UPF2: variants seen among roughly 807,000 people sequenced by gnomAD.
UPF2 encodes the protein regulator of nonsense transcripts 2.
Under a neutral mutation model 141.4 loss-of-function variants are expected in UPF2, and 17 were observed. The ratio of observed to expected loss-of-function variants is 0.12; its 90% CI spans 0.08 to 0.18. The LOEUF is 0.18. UPF2 is among the 10% of genes least tolerant of loss of function. The probability of loss-of-function intolerance (pLI) is 1.00; values close to 1 mark genes in which losing one functional copy is unlikely to be tolerated. For missense variants in UPF2, 1,152 were observed against 1,515.9 expected (o/e 0.76, Z 3.99); for synonymous variants, 540 against 498.0 (o/e 1.08, Z -1.12).
chr10:11,939,098 C>T lies in UPF2; in HGVS notation c.3379-2386G>A, dbSNP rs897105745. ...TGTTAGCTAGGAGGGTCTCGATCTC[C>T]TGACCTCGTGATCCTCCCACCTCGG... On this transcript the variant is annotated intron_variant, in intron 18 of 21. Transcript: ENST00000357604. This position sits in a 1 kb window ranked among gnomAD's most constrained non-coding sequence, Gnocchi z 4.8. 3.3e-5 allele frequency among the ~76,000 whole-genome samples: 5 copies of T among 151,998 alleles called. No individual in the cohort carries two copies. The highest frequency in any genetic ancestry group is 1.2e-4 in the African/African-American group (5 of 41,358).
At chr10:11,933,497 T>C (rs1588524644) in intron 19 of UPF2, among the ~76,000 whole-genome samples, 1 of 151,442 alleles carries the variant, frequency 6.6e-6, no homozygotes, top group African/African-American at 2.5e-5. Flanking sequence ...AAAATTAAAA[T>C]TTAAACTAAA....
At chr10:12,028,485 C>T (rs1834458807) in intron 3 of UPF2, among the ~76,000 whole-genome samples, 1 of 152,120 alleles carries the variant, frequency 6.6e-6, no homozygotes, top group Admixed American at 6.6e-5. Context: ...TTTAAAATCA[C>T]AGGAAGAATA....
intron 8 of UPF2, among the ~76,000 whole-genome samples, chr10:11,983,594 G>T (rs1210527642): frequency 6.6e-6 from 1 of 152,078 alleles, no homozygotes; most frequent in Non-Finnish European, 1.5e-5. Flanking sequence ...GGATGGTTTC[G>T]ATCTCCTGAA....
In UPF2 at chr10:11,921,151, C is replaced by T. The variant is rs923206069; in HGVS notation, c.*147G>A. On this transcript the variant is annotated 3_prime_UTR_variant, in exon 22 of 22. Coordinates refer to ENST00000357604, the MANE Select transcript of UPF2 (RefSeq NM_015542.4). This position sits in a 1 kb window ranked among gnomAD's most constrained non-coding sequence, Gnocchi z 5.9. ...TTGGCAGAGGCTGGTGTTTCTGCCT[C>T]CTGGCCCCAGCCTGTCCCAGGTTTA... The T allele has an allele frequency of 3.0e-5, 34 of 1,143,858 alleles. No homozygotes were observed. Among genetic ancestry groups the T allele is most frequent in the Admixed American group, 1.7e-5 (1 of 59,294 alleles). The allele number at this position is 1,143,858 out of a possible 1,614,324, so 70.9% of individuals were successfully genotyped here.
In UPF2 at chr10:11,948,525, G is replaced by T. The variant is rs1434210347; in HGVS notation, c.3035-17C>A. 2.5e-6 allele frequency: 4 copies of T among 1,607,604 alleles called. No homozygotes were observed. The highest frequency in any genetic ancestry group is 3.4e-6 in the Non-Finnish European group (4 of 1,178,596). On this transcript the variant is annotated splice_polypyrimidine_tract_variant and intron_variant, in intron 15 of 21. Coordinates refer to ENST00000357604, the MANE Select transcript of UPF2 (RefSeq NM_015542.4). ...TTACTAGGCCTTGAAATGAGAAGGTGGAAATGGAAAAATACATTAAAAATA... is the reference window on the plus strand; with the variant it reads ...TTACTAGGCCTTGAAATGAGAAGGTTGAAATGGAAAAATACATTAAAAATA...
intron 8 of UPF2, among the ~76,000 whole-genome samples, 191 bp downstream of exon 8, chr10:11,997,481 T>A (rs1833883108): frequency 6.6e-6 from 1 of 152,192 alleles, no homozygotes; most frequent in Non-Finnish European, 1.5e-5. Context: ...AGAAGAAATA[T>A]TCCCATTAGA....
intron 18 of UPF2, 104 bp downstream of exon 18, chr10:11,942,560 GC>G: frequency 1.0e-6 from 1 of 972,980 alleles, no homozygotes; most frequent in Non-Finnish European, 1.5e-6. Context: ...AAAAGCTGCT[GC>G]AGAAGAGACA....
intron 3 of UPF2, among the ~76,000 whole-genome samples, chr10:12,022,622 T>C (rs1834338444): frequency 6.6e-6 from 1 of 152,108 alleles, no homozygotes; most frequent in Non-Finnish European, 1.5e-5. Flanking sequence ...ACATTACAGC[T>C]ATAACACTAA....
At chr10:11,961,645 G>T (rs567984337) in intron 11 of UPF2, among the ~76,000 whole-genome samples, 2 of 152,066 alleles carry the variant, frequency 1.3e-5, no homozygotes, top group Non-Finnish European at 2.9e-5. Context: ...TGGATTTCAA[G>T]TTGTGTGTGT....
At chr10:11,961,533 G>A (rs1320456390) in intron 11 of UPF2, among the ~76,000 whole-genome samples, 1 of 150,226 alleles carries the variant, frequency 6.7e-6, no homozygotes, top group East Asian at 1.9e-4. Flanking sequence ...CCGGGTAATA[G>A]AGAGCACTGC....
At chr10:11,948,336 G>T in intron 16 of UPF2, 33 bp downstream of exon 16, 1 of 1,492,160 alleles carries the variant, frequency 6.7e-7, no homozygotes, top group Non-Finnish European at 9.0e-7. Context: ...TTATACAAAT[G>T]TACTCTATGT....
At chr10:11,963,318 C>T (rs1833269206) in intron 11 of UPF2, among the ~76,000 whole-genome samples, 1 of 148,448 alleles carries the variant, frequency 6.7e-6, no homozygotes, top group Non-Finnish European at 1.5e-5. Flanking sequence ...TCCTATCTAG[C>T]TGTGTGAGTA....
chr10:11,940,156 G>A lies in UPF2; in HGVS notation c.3378+2509C>T, dbSNP rs1258481287. Reference sequence around the variant, plus strand: ...TAATATAGAATTAAGTTTTTCTCCAGCACAAAAAGCACATCTCCTGCAAAA... The same window carrying A: ...TAATATAGAATTAAGTTTTTCTCCAACACAAAAAGCACATCTCCTGCAAAA... On this transcript the variant is annotated intron_variant, in intron 18 of 21. Coordinates refer to ENST00000357604, the MANE Select transcript of UPF2 (RefSeq NM_015542.4). The surrounding 1 kb of genome is among the most constrained non-coding windows in gnomAD (Gnocchi z 4.2). Among the ~76,000 whole-genome samples, 2 of 152,114 alleles carry A rather than the reference G, an allele frequency of 1.3e-5. No individual in the cohort carries two copies. The highest frequency in any genetic ancestry group is 2.9e-5 in the Non-Finnish European group (2 of 68,022).
At position 11,953,333 on chromosome 10, in the gene UPF2, A is replaced by C. The variant is rs927967625; in HGVS notation, c.2851-1084T>G. On this transcript the variant is annotated intron_variant, in intron 14 of 21. Coordinates refer to ENST00000357604, the MANE Select transcript of UPF2 (RefSeq NM_015542.4). This position sits in a 1 kb window ranked among gnomAD's most constrained non-coding sequence, Gnocchi z 5.0. ...ACTGAATCAGAATCTGCATCTTTAC[A>C]AAGTCCCCAGGGGACATGGATGCAC... Among the ~76,000 whole-genome samples, 1 of 152,140 alleles carries C rather than the reference A, an allele frequency of 6.6e-6. No homozygotes were observed. The highest frequency in any genetic ancestry group is 1.5e-5 in the Non-Finnish European group (1 of 68,034).
intron 2 of UPF2, 112 bp downstream of exon 2, chr10:12,034,947 C>T (rs1834595023): frequency 7.0e-7 from 1 of 1,428,004 alleles, no homozygotes; most frequent in Non-Finnish European, 9.3e-7. Flanking sequence ...TAAGATACTC[C>T]CAATTCTTAA....
Position 11,921,063 on chromosome 10 carries a change from C to T in UPF2, c.*235G>A, listed in dbSNP as rs768182976. On this transcript the variant is annotated 3_prime_UTR_variant, in exon 22 of 22. Transcript: ENST00000357604. The surrounding 1 kb of genome is among the most constrained non-coding windows in gnomAD (Gnocchi z 5.9). ...CCATTCTCAAGAGAAGATTAACCCT[C>T]GCGAGATTTCCATTACAAAAGGCCT... 7 of 746,576 alleles carry T rather than the reference C, an allele frequency of 9.4e-6. No individual in the cohort carries two copies. In the East Asian group the frequency reaches 1.6e-4, roughly 17 times the overall value. 46.2% of individuals were successfully genotyped at this position (746,576 alleles called of 1,614,324 possible).
chr10:12,010,173 T>C (rs551527520), intron 4 of UPF2, among the ~76,000 whole-genome samples: 1 of 152,342 alleles, frequency 6.6e-6, no homozygotes, highest in African/African-American at 2.4e-5. Flanking sequence ...CAACCCAGGA[T>C]GACGCTTAAT....
chr10:12,004,678 A>G lies in UPF2; in HGVS notation c.1356T>C (p.Tyr452=). The change falls in exon 5 of 22, where the codon TAT becomes TAC. Residue 452 remains tyrosine (Y), a synonymous_variant. Transcript: ENST00000357604. Reference sequence around the variant, plus strand: ...CTTCCCATATACCACCTTCCAAGTCATATTCTCCAGGTTTACCAGGTGTGA... The same window carrying G: ...CTTCCCATATACCACCTTCCAAGTCGTATTCTCCAGGTTTACCAGGTGTGA... ...DIFTPGKPGE[Y]DLEGGIWEDE... is the part of the protein sequence containing the mutation. 1 of 1,613,864 alleles carries G rather than the reference A, an allele frequency of 6.2e-7. No individual in the cohort carries two copies. Among genetic ancestry groups the G allele is most frequent in the East Asian group, 2.2e-5 (1 of 44,788 alleles).
At chr10:11,962,547 G>A (rs919132803) in intron 11 of UPF2, among the ~76,000 whole-genome samples, 1 of 152,010 alleles carries the variant, frequency 6.6e-6, no homozygotes, top group Non-Finnish European at 1.5e-5. Context: ...TCCATACCCC[G>A]ATTCATTTCT....
Sources: gnomAD v4.1 joint callset for allele counts (sites outside exome capture counted in the v4.1 genomes callset) on GRCh38, gnomAD v4.1.1 for gene constraint, Gnocchi (gnomAD v3.1) non-coding constraint, MANE v1.5 for transcripts, NCBI Gene and HGNC (gene_info 2026-07-23, HGNC 2026-07-21) for gene names.